Variants in EPHA5 observed in about 807,000 individuals in gnomAD.
EPHA5 encodes ephrin type-A receptor 5.
In EPHA5, 60 loss-of-function variants were observed where a neutral mutation model predicts 105.0. The ratio of observed to expected loss-of-function variants is 0.57; its 90% CI spans 0.46 to 0.71. EPHA5 has a LOEUF of 0.71. Ranked by LOEUF, EPHA5 falls within the 30% of genes least tolerant of loss-of-function variation. EPHA5 has a pLI of 0.00. For synonymous variants in EPHA5, 513 were observed against 449.1 expected (o/e 1.14, Z -1.80); for missense variants, 1,218 against 1,274.7 (o/e 0.96, Z 0.68).
At chr4:65,375,236 G>A (rs1718877562) in intron 8 of EPHA5, among the ~76,000 whole-genome samples, 1 of 151,650 alleles carries the variant, frequency 6.6e-6, no homozygotes, top group South Asian at 2.1e-4. Context: ...TTTCCATGAA[G>A]ACTGGTAGCA....
In EPHA5 at chr4:65,521,601, T is replaced by C. The variant is rs113218665; in HGVS notation, c.911-26058A>G. Among the ~76,000 whole-genome samples the C allele has an allele frequency of 2.3e-3, 344 of 152,206 alleles. 1 individual carries two copies. The highest frequency in any genetic ancestry group is 8.0e-3 in the African/African-American group (333 of 41,548). Reference sequence around the variant, plus strand: ...TAGATCCTACTATGCTTTTTTCTAATATTTACGTCTACTTTTTAATTTTGG... The same window carrying C: ...TAGATCCTACTATGCTTTTTTCTAACATTTACGTCTACTTTTTAATTTTGG... On this transcript the variant is annotated intron_variant, in intron 3 of 16. Coordinates refer to ENST00000613740, the MANE Select transcript of EPHA5 (RefSeq NM_001281766.3).
intron 8 of EPHA5, among the ~76,000 whole-genome samples, chr4:65,370,049 T>G: frequency 6.6e-6 from 1 of 152,150 alleles, no homozygotes. Context: ...TAGTAAATTT[T>G]CAGTAAACTT....
intron 2 of EPHA5, among the ~76,000 whole-genome samples, chr4:65,618,826 A>C (rs1745466643): frequency 6.6e-6 from 1 of 152,210 alleles, no homozygotes; most frequent in Non-Finnish European, 1.5e-5. Flanking sequence ...CCTTGTCCTC[A>C]TCAGAGAAGT....
intron 14 of EPHA5, among the ~76,000 whole-genome samples, chr4:65,339,053 G>A (rs1466142658): frequency 1.3e-5 from 2 of 152,130 alleles, no homozygotes; most frequent in African/African-American, 2.4e-5. Context: ...TGCTATATCT[G>A]AAATAGTATA....
At chr4:65,631,006 C>T (rs1746579485) in intron 2 of EPHA5, among the ~76,000 whole-genome samples, 1 of 152,096 alleles carries the variant, frequency 6.6e-6, no homozygotes, top group African/African-American at 2.4e-5. Flanking sequence ...AGCGGAACAA[C>T]ACTTAAGTTG....
At chr4:65,628,537 A>T (rs1188193173) in intron 2 of EPHA5, among the ~76,000 whole-genome samples, 1 of 152,142 alleles carries the variant, frequency 6.6e-6, no homozygotes, top group Non-Finnish European at 1.5e-5. Flanking sequence ...TAATAACCTT[A>T]ATCTATATAT....
intron 14 of EPHA5, among the ~76,000 whole-genome samples, chr4:65,343,875 T>C (rs1721967645): frequency 6.6e-6 from 1 of 152,100 alleles, no homozygotes; most frequent in Non-Finnish European, 1.5e-5. Flanking sequence ...TTCTTTAAAC[T>C]TCCTGAAAGG....
intron 7 of EPHA5, among the ~76,000 whole-genome samples, chr4:65,409,996 G>T (rs963593959): frequency 6.6e-6 from 1 of 152,172 alleles, no homozygotes; most frequent in African/African-American, 2.4e-5. Flanking sequence ...TGGAAAACAT[G>T]TTGGCAGTTT....
At chr4:65,412,436 A>T (rs1392642221) in intron 7 of EPHA5, among the ~76,000 whole-genome samples, 1 of 152,146 alleles carries the variant, frequency 6.6e-6, no homozygotes, top group East Asian at 1.9e-4. Context: ...TTCAGAAAAT[A>T]TTATACATAA....
At chr4:65,534,510 A>G (rs1401726526) in intron 3 of EPHA5, among the ~76,000 whole-genome samples, 1 of 152,236 alleles carries the variant, frequency 6.6e-6, no homozygotes, top group Non-Finnish European at 1.5e-5. Context: ...TTCAACTTAT[A>G]AAAGAAAAAA....
intron 1 of EPHA5, among the ~76,000 whole-genome samples, chr4:65,667,945 G>C (rs1750093573): frequency 6.6e-6 from 1 of 152,066 alleles, no homozygotes; most frequent in South Asian, 2.1e-4. Flanking sequence ...TAATCCTCCA[G>C]ACGTCTAACA....
chr4:65,440,791 A>G (rs1725941079), intron 5 of EPHA5, among the ~76,000 whole-genome samples: 1 of 151,978 alleles, frequency 6.6e-6, no homozygotes, highest in African/African-American at 2.4e-5. Context: ...AAAGAAGAGG[A>G]AAAGCCTTGT....
In EPHA5 at chr4:65,404,361, C is replaced by A. The variant is rs775643657; in HGVS notation, c.1793+13G>T. On this transcript the variant is annotated intron_variant, in intron 8 of 16. Coordinates refer to ENST00000613740, the MANE Select transcript of EPHA5 (RefSeq NM_001281766.3). The stretch of plus-strand genomic sequence containing the variant: ...CAGCTGCAGAACTTCAGAATCACAG[C>A]TTCCTCTCTTACCTTCCACTGAGGA... The A allele has an allele frequency of 6.2e-7, 1 of 1,607,846 alleles. No individual in the cohort carries two copies. The highest frequency in any genetic ancestry group is 1.1e-5 in the South Asian group (1 of 90,944).
intron 14 of EPHA5, among the ~76,000 whole-genome samples, chr4:65,346,890 C>T (rs1282927811): frequency 6.6e-6 from 1 of 152,152 alleles, no homozygotes; most frequent in Non-Finnish European, 1.5e-5. Flanking sequence ...CCAAACCAAT[C>T]CTGAAGAATC....
At chr4:65,593,546 C>CCT in intron 3 of EPHA5, among the ~76,000 whole-genome samples, 1 of 152,118 alleles carries the variant, frequency 6.6e-6, no homozygotes, top group East Asian at 1.9e-4. Context: ...TGGGGTAAGG[C>CCT]TGAGATTCTT....
At chr4:65,364,398 A>C (rs1717646575) in intron 11 of EPHA5, among the ~76,000 whole-genome samples, 1 of 151,692 alleles carries the variant, frequency 6.6e-6, no homozygotes, top group African/African-American at 2.4e-5. Context: ...TTGTATTGCA[A>C]GGCTCACCAT....
At chr4:65,634,235 T>C (rs551789517) in intron 2 of EPHA5, among the ~76,000 whole-genome samples, 10 of 152,218 alleles carry the variant, frequency 6.6e-5, no homozygotes, top group African/African-American at 1.9e-4. Flanking sequence ...GAATAAAATA[T>C]TGGCATTAAT....
chr4:65,453,809 T>C (rs954735311), intron 5 of EPHA5, among the ~76,000 whole-genome samples: 4 of 152,202 alleles, frequency 2.6e-5, no homozygotes, highest in African/African-American at 7.2e-5. Flanking sequence ...ACCAGGCAGT[T>C]GATCTGTCAA....
chr4:65,422,499 C>T (rs1278883597), intron 5 of EPHA5, among the ~76,000 whole-genome samples: 1 of 152,038 alleles, frequency 6.6e-6, no homozygotes, highest in Non-Finnish European at 1.5e-5. Context: ...TGACTTAGAG[C>T]ATTTATGCTT....
Sources: gnomAD v4.1 joint callset for allele counts (sites outside exome capture counted in the v4.1 genomes callset) on GRCh38, gnomAD v4.1.1 for gene constraint, MANE v1.5 for transcripts, NCBI Gene and HGNC (gene_info 2026-07-23, HGNC 2026-07-21) for gene names.